The following MCHR2 variants were observed in gnomAD, a reference collection of about 807,000 sequenced individuals.
MCHR2 encodes melanin concentrating hormone receptor 2.
A neutral mutation model predicts 24.8 loss-of-function variants in MCHR2; 15 were observed. The ratio of observed to expected loss-of-function variants is 0.60; its 90% CI spans 0.40 to 0.93. MCHR2 has a LOEUF of 0.93. Ranked by LOEUF, MCHR2 falls within the 40% of genes least tolerant of loss-of-function variation. The pLI is 0.00. For missense variants in MCHR2, 386 were observed against 408.7 expected (o/e 0.94, Z 0.48); for synonymous variants, 151 against 147.6 (o/e 1.02, Z -0.17).
chr6:99,959,754 A>G (rs1346694395), intron 1 of MCHR2, among the ~76,000 whole-genome samples: 1 of 150,374 alleles, frequency 6.7e-6, no homozygotes, highest in Non-Finnish European at 1.5e-5. Flanking sequence ...ATCAAGCAAG[A>G]GAGAGAATCA....
intron 1 of MCHR2, among the ~76,000 whole-genome samples, chr6:99,983,530 C>A (rs1229872117): frequency 2.0e-5 from 3 of 152,168 alleles, no homozygotes; most frequent in Non-Finnish European, 4.4e-5. Context: ...AATTTGAAAT[C>A]GTCACACTCA....
chr6:99,973,028 A>G (rs140244982), intron 1 of MCHR2, among the ~76,000 whole-genome samples: 2,886 of 152,168 alleles, frequency 0.019, 32 homozygotes, highest in Middle Eastern at 0.048. Flanking sequence ...CTGAAAAAAA[A>G]TGTATATTCT....
chr6:99,927,221 C>T (rs1241546931), intron 5 of MCHR2, among the ~76,000 whole-genome samples: 2 of 152,154 alleles, frequency 1.3e-5, no homozygotes, highest in Admixed American at 6.5e-5. Flanking sequence ...CAGTACCATG[C>T]TGTTTTGGTT....
chr6:99,947,224 G>A (rs1562123873), intron 3 of MCHR2, among the ~76,000 whole-genome samples: 1 of 152,114 alleles, frequency 6.6e-6, no homozygotes, highest in African/African-American at 2.4e-5. Context: ...TGATCTCCCT[G>A]GCACTGGGAA....
At chr6:99,929,775 A>C (rs9399345) in intron 5 of MCHR2, among the ~76,000 whole-genome samples, 1 of 149,600 alleles carries the variant, frequency 6.7e-6, no homozygotes, top group Non-Finnish European at 1.5e-5. Flanking sequence ...ACACTGATGC[A>C]TCTTGACTCT....
At chr6:99,936,945 A>G (rs1256706751) in intron 4 of MCHR2, among the ~76,000 whole-genome samples, 1 of 151,774 alleles carries the variant, frequency 6.6e-6, no homozygotes, top group East Asian at 1.9e-4. Flanking sequence ...TGAATTGAAT[A>G]CTAGGTATTT....
At chr6:99,954,650 T>C (rs2114539179) in intron 2 of MCHR2, among the ~76,000 whole-genome samples, 1 of 152,230 alleles carries the variant, frequency 6.6e-6, no homozygotes, top group East Asian at 1.9e-4. Context: ...GTATTAGTGG[T>C]GTTAATGGTC....
chr6:99,942,838 C>T (rs191221735), intron 4 of MCHR2, 111 bp downstream of exon 4: 38 of 815,280 alleles, frequency 4.7e-5, no homozygotes, highest in East Asian at 2.1e-4. Flanking sequence ...GAGATACTGG[C>T]GAGAAGAGGA....
rs1189856461 is a variant in MCHR2, at chr6:99,920,848, A to G, written c.*92T>C. ...TAAGAGTCACAAGTACACAAGAAGA[A>G]TGGGCATAAACATATCGGTACACCT... On this transcript the variant is annotated 3_prime_UTR_variant, in exon 6 of 6. Transcript: ENST00000281806. 8.1e-7 allele frequency: 1 copy of G among 1,242,074 alleles called. No homozygotes were observed. The highest frequency in any genetic ancestry group is 1.1e-6 in the Non-Finnish European group (1 of 876,158). The allele number at this position is 1,242,074 out of a possible 1,614,324, so 76.9% of individuals were successfully genotyped here.
At chr6:99,957,569 A>G (rs1006329224) in intron 1 of MCHR2, among the ~76,000 whole-genome samples, 6 of 152,076 alleles carry the variant, frequency 3.9e-5, no homozygotes, top group Admixed American at 1.3e-4. Flanking sequence ...TTTCTAGTAC[A>G]ATGGGGGAAG....
At position 99,956,078 on chromosome 6, in the gene MCHR2, A is replaced by G. The variant is rs761645863; in HGVS notation, c.70T>C (p.Phe24Leu). Residue 24 changes from phenylalanine to leucine, a missense_variant, in exon 2 of 6, where the codon TTT becomes CTT. Coordinates refer to ENST00000281806, the MANE Select transcript of MCHR2 (RefSeq NM_001040179.2). ...ELLNKSWNKE[F>L]AYQTASVVDT... ...ACCACACTGGCAGTTTGATAAGCAAACTCTTTATTCCAGGATTTGTTTAAA... is the reference window on the plus strand; with the variant it reads ...ACCACACTGGCAGTTTGATAAGCAAGCTCTTTATTCCAGGATTTGTTTAAA... 1 of 1,613,390 alleles carries G rather than the reference A, an allele frequency of 6.2e-7. No homozygotes were observed. The highest frequency in any genetic ancestry group is 8.5e-7 in the Non-Finnish European group (1 of 1,179,612).
At chr6:99,929,665 G>T (rs1308234511) in intron 5 of MCHR2, among the ~76,000 whole-genome samples, 1 of 151,956 alleles carries the variant, frequency 6.6e-6, no homozygotes, top group African/African-American at 2.4e-5. Flanking sequence ...TGCAACCCCT[G>T]CCTTTTTTTG....
In MCHR2 at chr6:99,930,953, T is replaced by C. The variant is rs572446033; in HGVS notation, c.707+3445A>G. ...GTTTCCAGTTTTTCTGCTCTGTTTT[T>C]TCCCCATCTTTGTGGTTTTATCTAC... On this transcript the variant is annotated intron_variant, in intron 5 of 5. Coordinates refer to ENST00000281806, the MANE Select transcript of MCHR2 (RefSeq NM_001040179.2). Among the ~76,000 whole-genome samples the C allele has an allele frequency of 9.2e-5, 14 of 152,330 alleles. No individual in the cohort carries two copies. The South Asian group carries it at 2.7e-3, about 29-fold the overall frequency.
intron 1 of MCHR2, among the ~76,000 whole-genome samples, chr6:99,969,019 T>C (rs1225888906): frequency 6.6e-6 from 1 of 152,156 alleles, no homozygotes; most frequent in African/African-American, 2.4e-5. Flanking sequence ...AGTGCATTTA[T>C]TATAAATGAT....
intron 1 of MCHR2, among the ~76,000 whole-genome samples, chr6:99,971,141 A>G (rs1404745579): frequency 1.3e-5 from 2 of 152,134 alleles, no homozygotes; most frequent in South Asian, 2.1e-4. Context: ...GAATCTGTAA[A>G]TTATCTTGGG....
At chr6:99,972,982 C>G (rs1455562203) in intron 1 of MCHR2, among the ~76,000 whole-genome samples, 1 of 152,032 alleles carries the variant, frequency 6.6e-6, no homozygotes, top group Admixed American at 6.6e-5. Flanking sequence ...TTACTTCCAA[C>G]TATGTGGTCC....
chr6:99,932,627 A>G (rs1774570662), intron 5 of MCHR2, among the ~76,000 whole-genome samples: 1 of 152,214 alleles, frequency 6.6e-6, no homozygotes, highest in Non-Finnish European at 1.5e-5. Context: ...TTTTTTAAAT[A>G]AAAACATGTA....
intron 1 of MCHR2, among the ~76,000 whole-genome samples, chr6:99,978,422 T>TTTG (rs1258550301): frequency 7.1e-6 from 1 of 140,146 alleles, no homozygotes; most frequent in East Asian, 2.1e-4. Flanking sequence ...TCAAGACAGT[T>TTTG]TTTTTTTTTT....
At chr6:99,946,543 ACATTCATT>A (rs528441368) in intron 3 of MCHR2, among the ~76,000 whole-genome samples, 28 of 152,092 alleles carry the variant, frequency 1.8e-4, no homozygotes, top group Non-Finnish European at 2.9e-5. Context: ...ACCCTTCAAG[ACATTCATT>A]CATTCATTCA....
Sources: gnomAD v4.1 joint callset for allele counts (sites outside exome capture counted in the v4.1 genomes callset) on GRCh38, gnomAD v4.1.1 for gene constraint, MANE v1.5 for transcripts, NCBI Gene and HGNC (gene_info 2026-07-23, HGNC 2026-07-21) for gene names.